CYP27B1: variants seen among roughly 807,000 people sequenced by gnomAD.
The protein encoded by CYP27B1 is 25-hydroxyvitamin D-1 alpha hydroxylase, mitochondrial.
A neutral mutation model predicts 54.8 loss-of-function variants in CYP27B1; 46 were observed. The ratio of observed to expected loss-of-function variants is 0.84; its 90% CI spans 0.66 to 1.07. The LOEUF is 1.07. Ranked by LOEUF, CYP27B1 falls within the 50% of genes least tolerant of loss-of-function variation. CYP27B1 has a pLI of 0.00. For missense variants in CYP27B1, 674 were observed against 692.2 expected (o/e 0.97, Z 0.30); for synonymous variants, 292 against 297.3 (o/e 0.98, Z 0.18).
intron 5 of CYP27B1, 74 bp from the exon 6 acceptor site, chr12:57,764,624 T>TG: frequency 6.3e-7 from 1 of 1,595,996 alleles, no homozygotes; most frequent in Non-Finnish European, 8.6e-7. Context: ...TGGAAGAGTC[T>TG]GGGGCTACAG....
intron 5 of CYP27B1, 68 bp from the exon 6 acceptor site, chr12:57,764,618 A>G: frequency 6.3e-7 from 1 of 1,598,874 alleles, no homozygotes; most frequent in Non-Finnish European, 8.6e-7. Flanking sequence ...AGATTATGGA[A>G]GAGTCTGGGG....
rs1404655617 is a variant in CYP27B1, at chr12:57,765,646, C to T, written c.387-147G>A. On this transcript the variant is annotated intron_variant, in intron 2 of 8. Transcript: ENST00000228606. This position sits in a 1 kb window ranked among gnomAD's most constrained non-coding sequence, Gnocchi z 5.8. ...GTACGGAAACCTGCACCGGCCTGCG[C>T]CTGTCTTCCAGCCCCCTTCCTCTTT... 2.1e-6 allele frequency: 2 copies of T among 967,574 alleles called. No individual in the cohort carries two copies. Among genetic ancestry groups the T allele is most frequent in the East Asian group, 5.2e-5 (2 of 38,290 alleles). The allele number at this position is 967,574 out of a possible 1,614,324, so 59.9% of individuals were successfully genotyped here.
rs1039572705 is a variant in CYP27B1, at chr12:57,763,961, A to G, written c.1215+137T>C. ...GGAAGGATCTCCCCACTGTTCCATT[A>G]CATCCTAGAAAGGCATATCCTAGAG... On this transcript the variant is annotated intron_variant, in intron 7 of 8. Coordinates refer to ENST00000228606, the MANE Select transcript of CYP27B1 (RefSeq NM_000785.4). 2.3e-5 allele frequency: 25 copies of G among 1,069,780 alleles called. No homozygotes were observed. The African/African-American group carries it at 3.6e-4, about 15-fold the overall frequency. 66.3% of individuals were successfully genotyped at this position (1,069,780 alleles called of 1,614,324 possible).
chr12:57,767,071 G>A lies in CYP27B1; in HGVS notation c.-30C>T, dbSNP rs201190359. Reference sequence around the variant, plus strand: ...TGGTTCAGGGTGCTCGCGAAAGAAAGCGCTTCTCCTGAGCATCATATCTCA... The same window carrying A: ...TGGTTCAGGGTGCTCGCGAAAGAAAACGCTTCTCCTGAGCATCATATCTCA... On this transcript the variant is annotated 5_prime_UTR_variant, in exon 1 of 9. Transcript: ENST00000228606. The A allele has an allele frequency of 6.2e-7, 1 of 1,606,596 alleles. No homozygotes were observed. The highest frequency in any genetic ancestry group is 1.3e-5 in the African/African-American group (1 of 74,726).
At position 57,765,541 on chromosome 12, in the gene CYP27B1, C is replaced by T. The variant is rs200191262; in HGVS notation, c.387-42G>A. 158 of 1,566,992 alleles carry T rather than the reference C, an allele frequency of 1.0e-4. 1 individual carries two copies. Among genetic ancestry groups the T allele is most frequent in the Middle Eastern group, 1.7e-4 (1 of 5,996 alleles). ...AGAGTGCGCATCGGGAAGGTGGGGA[C>T]GGCTCGACGGGACTGGCTGCAGTGA... is the stretch of plus-strand genomic sequence containing the variant. On this transcript the variant is annotated intron_variant, in intron 2 of 8. Coordinates refer to ENST00000228606, the MANE Select transcript of CYP27B1 (RefSeq NM_000785.4). The surrounding 1 kb of genome is among the most constrained non-coding windows in gnomAD (Gnocchi z 5.8).
At position 57,764,810 on chromosome 12, in the gene CYP27B1, G is replaced by A. The variant is rs754963151; in HGVS notation, c.907C>T (p.Pro303Ser). ...LTHFLFREELPAQSILGNVTE... is the reference protein window; with the variant it reads ...LTHFLFREELSAQSILGNVTE... ...ACATTTCCCAGGATGGACTGGGCAG[G>A]CAACTCTTCCCGGAACAGGAAGTGG... Residue 303 changes from proline to serine, a missense_variant, in exon 5 of 9, where the codon CCT (proline) becomes TCT (serine). By Grantham distance (74) the Pro-to-Ser change is moderately conservative. Coordinates refer to ENST00000228606, the MANE Select transcript of CYP27B1 (RefSeq NM_000785.4). The A allele has an allele frequency of 6.2e-7, 1 of 1,614,186 alleles. No homozygotes were observed. The highest frequency in any genetic ancestry group is 8.5e-7 in the Non-Finnish European group (1 of 1,180,038).
rs1050216132 is a variant in CYP27B1, at chr12:57,767,017, A to G, written c.25T>C (p.Ser9Pro). The G allele has an allele frequency of 6.2e-7, 1 of 1,614,058 alleles. No individual in the cohort carries two copies. Among genetic ancestry groups the G allele is most frequent in the African/African-American group, 1.3e-5 (1 of 74,918 alleles). MTQTLKYA[S>P]RVFHRVRWAP... ...CAGCGGACGCGATGGAACACTCTGG[A>G]GGCGTACTTGAGGGTCTGGGTCATG... The change falls in exon 1 of 9, where the codon TCC (serine) becomes CCC (proline). Residue 9 changes from serine to proline, a missense_variant. Ser to Pro is a moderately conservative substitution (Grantham distance 74). Transcript: ENST00000228606.
Position 57,765,326 on chromosome 12 carries a change from G to A in CYP27B1, c.560C>T (p.Ala187Val), listed in dbSNP as rs775399881. The A allele has an allele frequency of 1.9e-6, 3 of 1,613,198 alleles. No individual in the cohort carries two copies. Among genetic ancestry groups the A allele is most frequent in the African/African-American group, 2.7e-5 (2 of 74,922 alleles). ...CAGTCCGAACTTGTAAAATTCCCCC[G>A]CCACGTCCCGAACCAGGGCGGGCGG... is the stretch of plus-strand genomic sequence containing the variant. ...TGPPALVRDV[A>V]GEFYKFGLEG... The change falls in exon 3 of 9, where the codon GCG (alanine) becomes GTG (valine). Residue 187 changes from alanine (A) to valine (V), a missense_variant. By Grantham distance (64) the Ala-to-Val change is moderately conservative. Transcript: ENST00000228606. The surrounding 1 kb of genome is among the most constrained non-coding windows in gnomAD (Gnocchi z 5.8).
rs1371451316 is a variant in CYP27B1 at position 57,765,251 on chromosome 12, T to C, written c.590-40A>G. 1 of 1,611,708 alleles carries C rather than the reference T, an allele frequency of 6.2e-7. No individual in the cohort carries two copies. Among genetic ancestry groups the C allele is most frequent in the South Asian group, 1.1e-5 (1 of 90,950 alleles). ...GCGCCGTCAGGGTTCCGGGAGGCTCTGGTAGGGCGCCCCCGACGCCTGCCC... is the reference window on the plus strand; with the variant it reads ...GCGCCGTCAGGGTTCCGGGAGGCTCCGGTAGGGCGCCCCCGACGCCTGCCC... On this transcript the variant is annotated intron_variant, in intron 3 of 8. Transcript: ENST00000228606. This position sits in a 1 kb window ranked among gnomAD's most constrained non-coding sequence, Gnocchi z 5.8.
Position 57,764,418 on chromosome 12 carries a change from G to A in CYP27B1, c.1096C>T (p.Gln366Ter). Residue 366 changes from glutamine to a stop codon, truncating the protein, a stop_gained, in exon 6 of 9, where the codon CAG becomes TAG. Coordinates refer to ENST00000228606, the MANE Select transcript of CYP27B1 (RefSeq NM_000785.4). LOFTEE classifies it high-confidence loss of function. ...SAYPSATVLS[Q>*]LPLLKAVVKE... is the part of the protein sequence containing the mutation. ...ACCACCGCCTTCAGCAGGGGCAGCT[G>A]GGACAGAACAGTGGCTGAGGGGTAG... 1 of 1,614,192 alleles carries A rather than the reference G, an allele frequency of 6.2e-7. No individual in the cohort carries two copies. Among genetic ancestry groups the A allele is most frequent in the Non-Finnish European group, 8.5e-7 (1 of 1,180,036 alleles).
chr12:57,764,012 G>T, intron 7 of CYP27B1, 86 bp downstream of exon 7: 1 of 1,221,372 alleles, frequency 8.2e-7, no homozygotes, highest in Non-Finnish European at 1.2e-6. Flanking sequence ...TGTTTGAAGG[G>T]CTTTTAGGAG....
At position 57,765,461 on chromosome 12, in the gene CYP27B1, GC is replaced by G; in HGVS notation, c.424del (p.Ala142ProfsTer17). The G allele has an allele frequency of 6.2e-7, 1 of 1,612,664 alleles. No homozygotes were observed. Among genetic ancestry groups the G allele is most frequent in the Non-Finnish European group, 8.5e-7 (1 of 1,179,526 alleles). ...CGCTTGAGGCCGGAGGAGGAGCGGG[GC>G]CAGGAGACTGCGGAGCCTTTGCCAT... ...EEWQRLRSLLAPLLLRPQAAA... is the reference protein window; with the variant it reads ...EEWQRLRSLLXPLLLRPQAAA... On this transcript the variant is annotated frameshift_variant, in exon 3 of 9. Coordinates refer to ENST00000228606, the MANE Select transcript of CYP27B1 (RefSeq NM_000785.4). LOFTEE classifies it high-confidence loss of function. This position sits in a 1 kb window ranked among gnomAD's most constrained non-coding sequence, Gnocchi z 5.8.
rs912819867 is a variant in CYP27B1 at position 57,766,216 on chromosome 12, C to A, written c.196-19G>T. On this transcript the variant is annotated intron_variant, in intron 1 of 8. Transcript: ENST00000228606. ...CCTGCACCTGGGGGAGCGGACACAG[C>A]GGACACTTGGATACCTGGGCGGGGA... The A allele has an allele frequency of 6.6e-7, 1 of 1,523,398 alleles. No individual in the cohort carries two copies. Among genetic ancestry groups the A allele is most frequent in the Admixed American group, 2.0e-5 (1 of 48,942 alleles). 94.4% of individuals were successfully genotyped at this position (1,523,398 alleles called of 1,614,324 possible). A position where few individuals can be genotyped will look rare whatever the true frequency, so the allele number is the denominator to read the frequency against.
Position 57,765,064 on chromosome 12 carries a change from A to G in CYP27B1, c.737T>C (p.Val246Ala). 6.2e-7 allele frequency: 1 copy of G among 1,613,758 alleles called. No individual in the cohort carries two copies. The highest frequency in any genetic ancestry group is 1.1e-5 in the South Asian group (1 of 91,082). Residue 246 changes from valine to alanine, a missense_variant, in exon 4 of 9, where the codon GTG (valine) becomes GCG (alanine). By Grantham distance (64) the Val-to-Ala change is moderately conservative (BLOSUM62 0). Coordinates refer to ENST00000228606, the MANE Select transcript of CYP27B1 (RefSeq NM_000785.4). This position sits in a 1 kb window ranked among gnomAD's most constrained non-coding sequence, Gnocchi z 5.8. ...GCAGAGGCGGCCCCAGGGCCCAGGCACAAGGTGGCGCAGCCAGTGGGGCAT... is the reference window on the plus strand; with the variant it reads ...GCAGAGGCGGCCCCAGGGCCCAGGCGCAAGGTGGCGCAGCCAGTGGGGCAT... ...MAMPHWLRHL[V>A]PGPWGRLCRD... is the part of the protein sequence containing the mutation.
chr12:57,766,650 G>C lies in CYP27B1; in HGVS notation c.195+197C>G, dbSNP rs1445574979. 4.7e-6 allele frequency: 3 copies of C among 645,092 alleles called. No individual in the cohort carries two copies. In the African/African-American group the frequency reaches 5.5e-5, roughly 12 times the overall value. The allele number at this position is 645,092 out of a possible 1,614,324, so 40.0% of individuals were successfully genotyped here. A position where few individuals can be genotyped will look rare whatever the true frequency, so the allele number is the denominator to read the frequency against. On this transcript the variant is annotated intron_variant, in intron 1 of 8. Coordinates refer to ENST00000228606, the MANE Select transcript of CYP27B1 (RefSeq NM_000785.4). ...GACAGCGAGAAGGCGCTTTCGCAGC[G>C]CCCTCTGCTAAGAGTCGGGACGGGC...
At position 57,765,201 on chromosome 12, in the gene CYP27B1, C is replaced by T; in HGVS notation, c.600G>A (p.Ala200=). Residue 200 remains alanine (A), a synonymous_variant, in exon 4 of 9, where the codon GCG becomes GCA. Coordinates refer to ENST00000228606, the MANE Select transcript of CYP27B1 (RefSeq NM_000785.4). The surrounding 1 kb of genome is among the most constrained non-coding windows in gnomAD (Gnocchi z 5.8). The part of the protein sequence containing the change: ...FYKFGLEGIA[A]VLLGSRLGCL... ...AGCCCAAGCGCGAGCCGAGCAGAAC[C>T]GCGGCGATGCCTTGTCGGGAGGGGG... The T allele has an allele frequency of 2.5e-6, 4 of 1,612,688 alleles. No individual in the cohort carries two copies. Among genetic ancestry groups the T allele is most frequent in the Non-Finnish European group, 3.4e-6 (4 of 1,179,514 alleles).
Position 57,764,511 on chromosome 12 carries a change from G to C in CYP27B1, c.1003C>G (p.Arg335Gly). ...AGTGCTGTCTGGACTTCGGGGTGCC[G>C]GGAGAGCTCATACAGAGCCCAAGAG... The part of the protein sequence containing the change: ...TLSWALYELS[R>G]HPEVQTALHS... The change falls in exon 6 of 9, where the codon CGG (arginine) becomes GGG (glycine). Residue 335 changes from arginine to glycine, a missense_variant. Coordinates refer to ENST00000228606, the MANE Select transcript of CYP27B1 (RefSeq NM_000785.4). 6.2e-7 allele frequency: 1 copy of C among 1,614,108 alleles called. No individual in the cohort carries two copies. The highest frequency in any genetic ancestry group is 2.2e-5 in the East Asian group (1 of 44,884).
Position 57,765,606 on chromosome 12 carries a change from G to A in CYP27B1, c.387-107C>T, listed in dbSNP as rs1194300020. 4 of 1,204,240 alleles carry A rather than the reference G, an allele frequency of 3.3e-6. No individual in the cohort carries two copies. In the South Asian group the frequency reaches 3.9e-5, roughly 12 times the overall value. 74.6% of individuals were successfully genotyped at this position (1,204,240 alleles called of 1,614,324 possible). ...CTGCGGTGGCCAGGAGAGGGATTGC[G>A]TCTGCCCCCTTGGGGTACGGAAACC... On this transcript the variant is annotated intron_variant, in intron 2 of 8. Transcript: ENST00000228606. This position sits in a 1 kb window ranked among gnomAD's most constrained non-coding sequence, Gnocchi z 5.8.
chr12:57,766,207 C>T lies in CYP27B1; in HGVS notation c.196-10G>A. 2 of 1,524,332 alleles carry T rather than the reference C, an allele frequency of 1.3e-6. No individual in the cohort carries two copies. Among genetic ancestry groups the T allele is most frequent in the South Asian group, 1.2e-5 (1 of 82,158 alleles). The allele number at this position is 1,524,332 out of a possible 1,614,324, so 94.4% of individuals were successfully genotyped here. A position where few individuals can be genotyped will look rare whatever the true frequency, so the allele number is the denominator to read the frequency against. On this transcript the variant is annotated splice_polypyrimidine_tract_variant and intron_variant, in intron 1 of 8. Transcript: ENST00000228606. ...GCGCGGCGCCCTGCACCTGGGGGAG[C>T]GGACACAGCGGACACTTGGATACCT... is the stretch of plus-strand genomic sequence containing the variant.
Sources: gnomAD v4.1 joint callset for allele counts on GRCh38, gnomAD v4.1.1 for gene constraint, Gnocchi (gnomAD v3.1) non-coding constraint, MANE v1.5 for transcripts, NCBI Gene and HGNC (gene_info 2026-07-23, HGNC 2026-07-21) for gene names.